Variants in ILRUN observed in about 807,000 individuals in gnomAD.
ILRUN encodes the protein protein ILRUN.
Under a neutral mutation model 33.8 loss-of-function variants are expected in ILRUN, and 3 were observed. The ratio of observed to expected loss-of-function variants is 0.09; its 90% CI spans 0.04 to 0.23. ILRUN has a LOEUF of 0.23. Among genes scored for constraint, ILRUN ranks in the 10% least tolerant of loss-of-function variants. ILRUN has a pLI of 1.00. For synonymous variants in ILRUN, 124 were observed against 138.9 expected, an observed-to-expected ratio of 0.89 and a Z score of 0.75; for missense variants, 210 against 375.1, an observed-to-expected ratio of 0.56 and a Z score of 3.64.
At chr6:34,644,970 C>T (rs909501196) in intron 3 of ILRUN, among the ~76,000 whole-genome samples, 2 of 152,112 alleles carry the variant, frequency 1.3e-5, no homozygotes, top group African/African-American at 2.4e-5. Context: ...CAGGCCAGAT[C>T]GTGAGCCTTA....
At chr6:34,598,442 T>A (rs191429118) in intron 4 of ILRUN, among the ~76,000 whole-genome samples, 21 of 152,340 alleles carry the variant, frequency 1.4e-4, no homozygotes, top group Admixed American at 1.3e-3. Flanking sequence ...GAATTATACT[T>A]TATCTGTTTG....
At chr6:34,640,713 AAATGAATG>A (rs141557087) in intron 3 of ILRUN, among the ~76,000 whole-genome samples, 3 of 150,934 alleles carry the variant, frequency 2.0e-5, no homozygotes, top group South Asian at 2.1e-4. Context: ...CGTCTCAAAT[AAATGAATG>A]AATGAATGAA....
At chr6:34,590,753 G>A (rs574947888) in intron 4 of ILRUN, among the ~76,000 whole-genome samples, 153 bp from the exon 5 acceptor site, 80 of 152,262 alleles carry the variant, frequency 5.3e-4, no homozygotes, top group African/African-American at 1.4e-3. Context: ...AACCTCGGCA[G>A]GCCAAAGATC....
chr6:34,625,192 T>C (rs1405263476), intron 3 of ILRUN, among the ~76,000 whole-genome samples: 2 of 152,116 alleles, frequency 1.3e-5, no homozygotes, highest in Non-Finnish European at 2.9e-5. Flanking sequence ...CCTTCCCCTC[T>C]TTTTTTCCTA....
chr6:34,678,321 G>A (rs1309974853), intron 1 of ILRUN, among the ~76,000 whole-genome samples: 1 of 152,090 alleles, frequency 6.6e-6, no homozygotes, highest in Non-Finnish European at 1.5e-5. Flanking sequence ...GATATCAGGC[G>A]TGAGCCACCA....
rs542916705 is a variant in ILRUN, at chr6:34,587,884, C to T, written c.*2681G>A. 2.6e-6 allele frequency: 1 copy of T among 390,588 alleles called. No homozygotes were observed. The highest frequency in any genetic ancestry group is 2.2e-5 in the African/African-American group (1 of 44,700). 24.2% of individuals were successfully genotyped at this position (390,588 alleles called of 1,614,324 possible). On this transcript the variant is annotated 3_prime_UTR_variant, in exon 5 of 5. Coordinates refer to ENST00000374023, the MANE Select transcript of ILRUN (RefSeq NM_024294.4). ...CTGTCTCCCCAACTGGGTTCAGACCCTATCACCTAACCATGGTGTCTGCCT... is the reference window on the plus strand; with the variant it reads ...CTGTCTCCCCAACTGGGTTCAGACCTTATCACCTAACCATGGTGTCTGCCT...
chr6:34,668,748 T>C (rs533213790), intron 1 of ILRUN, among the ~76,000 whole-genome samples: 1 of 151,978 alleles, frequency 6.6e-6, no homozygotes, highest in Non-Finnish European at 1.5e-5. Context: ...ATTATAGCTC[T>C]CTGCAGCCTA....
intron 1 of ILRUN, among the ~76,000 whole-genome samples, chr6:34,688,560 C>A (rs1453516307): frequency 6.6e-6 from 1 of 152,134 alleles, no homozygotes; most frequent in African/African-American, 2.4e-5. Flanking sequence ...TGCCTGTAAT[C>A]CCAGCACTTT....
At chr6:34,632,325 T>TA (rs537259828) in intron 3 of ILRUN, among the ~76,000 whole-genome samples, 114 of 152,024 alleles carry the variant, frequency 7.5e-4, no homozygotes, top group South Asian at 4.8e-3. Context: ...CCTATAGTCC[T>TA]AGCTACTAGA....
At chr6:34,668,677 C>T (rs1763051504) in intron 1 of ILRUN, among the ~76,000 whole-genome samples, 1 of 151,018 alleles carries the variant, frequency 6.6e-6, no homozygotes, top group East Asian at 2.4e-4. Context: ...ACTCTGAAAC[C>T]TTCTTTTCTT....
intron 1 of ILRUN, among the ~76,000 whole-genome samples, chr6:34,684,221 A>C (rs1237287424): frequency 6.6e-6 from 1 of 152,192 alleles, no homozygotes; most frequent in African/African-American, 2.4e-5. Context: ...CTCTTTATAA[A>C]GGCAAGGCTT....
intron 3 of ILRUN, among the ~76,000 whole-genome samples, chr6:34,628,736 C>T (rs1762189469): frequency 6.6e-6 from 1 of 151,994 alleles, no homozygotes. Flanking sequence ...TAATCTTTGT[C>T]TGGTTTGGGT....
rs73411961 is a variant in ILRUN, at chr6:34,642,392, G to A, written c.511+4209C>T. ...AAGTTGAGCAAACTTTCCAATCAAT[G>A]GGTACCAAAACTGTTAAACCCAGAT... On this transcript the variant is annotated intron_variant, in intron 3 of 4. Coordinates refer to ENST00000374023, the MANE Select transcript of ILRUN (RefSeq NM_024294.4). Among the ~76,000 whole-genome samples the A allele has an allele frequency of 3.8e-3, 584 of 152,218 alleles. 6 individuals are homozygous for A. The highest frequency in any genetic ancestry group is 0.012 in the African/African-American group (484 of 41,536).
intron 1 of ILRUN, among the ~76,000 whole-genome samples, chr6:34,671,317 T>C (rs1763113290): frequency 6.6e-6 from 1 of 151,892 alleles, no homozygotes; most frequent in Non-Finnish European, 1.5e-5. Context: ...GTCTGGGAGG[T>C]TGAGGTTGCA....
rs916258020 is a variant in ILRUN at position 34,658,480 on chromosome 6, TTTTC to T, written c.159-3705_159-3702del. Among the ~76,000 whole-genome samples, 15 of 144,644 alleles carry T rather than the reference TTTTC, an allele frequency of 1.0e-4. No individual in the cohort carries two copies. In the South Asian group the frequency reaches 1.1e-3, roughly 10 times the overall value. The allele number at this position is 144,644 out of a possible 152,430, so 94.9% of individuals were successfully genotyped here. A position where few individuals can be genotyped will look rare whatever the true frequency, so the allele number is the denominator to read the frequency against. On this transcript the variant is annotated intron_variant, in intron 1 of 4. Coordinates refer to ENST00000374023, the MANE Select transcript of ILRUN (RefSeq NM_024294.4). ...GCAGATTTTACCACAATGAAATAAT[TTTTC>T]TTTTTCTTTTTTTTTTTTTTTTTTA...
Position 34,590,617 on chromosome 6 carries a change from A to G in ILRUN, c.862-17T>C. Reference sequence around the variant, plus strand: ...ATGGAGCCCCTGGAAGAGAGTGAAGATAGTCAGTGATGGTACACATAGCAG... The same window carrying G: ...ATGGAGCCCCTGGAAGAGAGTGAAGGTAGTCAGTGATGGTACACATAGCAG... On this transcript the variant is annotated splice_polypyrimidine_tract_variant and intron_variant, in intron 4 of 4. Coordinates refer to ENST00000374023, the MANE Select transcript of ILRUN (RefSeq NM_024294.4). 6 of 1,552,406 alleles carry G rather than the reference A, an allele frequency of 3.9e-6. No individual in the cohort carries two copies. Among genetic ancestry groups the G allele is most frequent in the Non-Finnish European group, 5.3e-6 (6 of 1,123,702 alleles).
chr6:34,675,402 A>G (rs2744943), intron 1 of ILRUN, among the ~76,000 whole-genome samples: 67,814 of 152,062 alleles, frequency 0.45, 17,159 homozygotes, highest in African/African-American at 0.7. Flanking sequence ...ATTTTTCAAT[A>G]AATGGGAAAA....
Position 34,606,672 on chromosome 6 carries a change from G to C in ILRUN, c.744C>G (p.Asp248Glu). Residue 248 changes from aspartate to glutamate, a missense_variant, in exon 4 of 5, where the codon GAC becomes GAG. Physicochemically the swap from Asp to Glu is conservative, Grantham distance 45 (BLOSUM62 2). Transcript: ENST00000374023. Reference protein sequence around the residue: ...ISKNTWAPAPDTWAPAPDQTE... With the variant: ...ISKNTWAPAPETWAPAPDQTE... The stretch of plus-strand genomic sequence containing the variant: ...TTTGGTCAGGAGCAGGAGCCCATGT[G>C]TCAGGAGCAGGAGCCCATGTGTTTT... 1.2e-6 allele frequency: 2 copies of C among 1,614,064 alleles called. No individual in the cohort carries two copies. The highest frequency in any genetic ancestry group is 1.7e-6 in the Non-Finnish European group (2 of 1,179,934).
chr6:34,643,651 G>A (rs984537462), intron 3 of ILRUN, among the ~76,000 whole-genome samples: 11 of 152,154 alleles, frequency 7.2e-5, no homozygotes, highest in African/African-American at 2.7e-4. Flanking sequence ...TTACAAAAGT[G>A]TCTTGAACTT....
Sources: gnomAD v4.1 joint callset for allele counts (sites outside exome capture counted in the v4.1 genomes callset) on GRCh38, gnomAD v4.1.1 for gene constraint, MANE v1.5 for transcripts, NCBI Gene and HGNC (gene_info 2026-07-23, HGNC 2026-07-21) for gene names.